NDUFA10: variants seen among roughly 807,000 people sequenced by gnomAD.
NDUFA10 encodes the protein NADH:ubiquinone oxidoreductase subunit A10, also known as NADH dehydrogenase [ubiquinone] 1 alpha subcomplex subunit 10, mitochondrial.
Under a neutral mutation model 47.8 loss-of-function variants are expected in NDUFA10, and 40 were observed. The ratio of observed to expected loss-of-function variants is 0.84; its 90% CI spans 0.65 to 1.09. The LOEUF is 1.09. NDUFA10 is among the 50% of genes least tolerant of loss of function. The pLI is 0.00. For synonymous variants in NDUFA10, 183 were observed against 172.2 expected, an observed-to-expected ratio of 1.06 and a Z score of -0.49; for missense variants, 413 against 451.1, an observed-to-expected ratio of 0.92 and a Z score of 0.76.
chr2:239,986,934 C>T (rs528553692), intron 9 of NDUFA10, among the ~76,000 whole-genome samples: 7 of 139,480 alleles, frequency 5.0e-5, no homozygotes, highest in African/African-American at 1.7e-4. Context: ...TGCCAAATAT[C>T]CCTCAAAACC....
chr2:239,961,376 G>C (rs970289331), intron 9 of NDUFA10, among the ~76,000 whole-genome samples, 190 bp from the exon 10 acceptor site: 1 of 152,230 alleles, frequency 6.6e-6, no homozygotes, highest in East Asian at 1.9e-4. Context: ...CCACAACCCA[G>C]CCCTGCCTGC....
In NDUFA10 at chr2:239,960,031, G is replaced by A; in HGVS notation, c.*1087C>T. 1.0e-6 allele frequency: 1 copy of A among 984,930 alleles called. No individual in the cohort carries two copies. Among genetic ancestry groups the A allele is most frequent in the Non-Finnish European group, 1.2e-6 (1 of 829,474 alleles). 61.0% of individuals were successfully genotyped at this position (984,930 alleles called of 1,614,324 possible). A position where few individuals can be genotyped will look rare whatever the true frequency, so the allele number is the denominator to read the frequency against. ...CCTGAACTATGGCCAGTGCAACCAA[G>A]GAACCCAATTTTAAACTCTATTACA... On this transcript the variant is annotated 3_prime_UTR_variant, in exon 10 of 10. Transcript: ENST00000252711.
At chr2:240,023,813 C>A (rs978433688) in intron 1 of NDUFA10, among the ~76,000 whole-genome samples, 6 of 152,166 alleles carry the variant, frequency 3.9e-5, no homozygotes, top group Non-Finnish European at 5.9e-5. Context: ...GCAGACAACC[C>A]AATTTAAAAA....
intron 9 of NDUFA10, chr2:239,976,438 T>G (rs1229258120): frequency 1.3e-5 from 2 of 152,166 alleles, no homozygotes; most frequent in African/African-American, 4.8e-5. Flanking sequence ...CCCCCAAGAC[T>G]CTACTTGGCA....
intron 4 of NDUFA10, among the ~76,000 whole-genome samples, chr2:239,946,369 T>C (rs143764594): frequency 3.8e-4 from 58 of 152,292 alleles, no homozygotes; most frequent in East Asian, 2.3e-3. Flanking sequence ...GGGGAAGACG[T>C]TGTCCCTTGC....
chr2:239,983,416 C>T, intron 9 of NDUFA10: 7 of 1,456,400 alleles, frequency 4.8e-6, no homozygotes, highest in Non-Finnish European at 6.4e-6. Context: ...CAGAAATGGT[C>T]ATTATTATTT....
At chr2:239,933,916 G>C (rs1464156304) in intron 4 of NDUFA10, among the ~76,000 whole-genome samples, 2 of 152,186 alleles carry the variant, frequency 1.3e-5, no homozygotes, top group Admixed American at 1.3e-4. Context: ...GGAGTGGAGT[G>C]ACACGATCAC....
chr2:239,899,068 G>A (rs150009051), intron 4 of NDUFA10, among the ~76,000 whole-genome samples: 3,253 of 16,874 alleles, frequency 0.19, 1,161 homozygotes, highest in African/African-American at 0.25. Flanking sequence ...GTGATGGAGG[G>A]GTGTGATGGA....
At chr2:239,983,777 C>T in intron 9 of NDUFA10, 3 of 1,523,842 alleles carry the variant, frequency 2.0e-6, no homozygotes, top group Non-Finnish European at 2.7e-6. Context: ...CTCACCAGCA[C>T]TCCTTATTAA....
At chr2:240,024,451 T>C (rs912536525) in intron 1 of NDUFA10, among the ~76,000 whole-genome samples, 18 of 151,996 alleles carry the variant, frequency 1.2e-4, no homozygotes, top group African/African-American at 3.9e-4. Flanking sequence ...TTGTCAGGGG[T>C]TGGAGAAAAA....
Position 239,979,068 on chromosome 2 carries a change from C to T in NDUFA10, c.999+11006G>A, listed in dbSNP as rs146120656. On this transcript the variant is annotated intron_variant, in intron 9 of 9. Transcript: ENST00000252711. ...CAGGGTGGGCGAGCCTCCCCAGCGT[C>T]ACACCACTCCCTGAGAAGTGTGCTC... 3.0e-3 allele frequency among the ~76,000 whole-genome samples: 451 copies of T among 152,286 alleles called. 3 individuals are homozygous for T. Among genetic ancestry groups the T allele is most frequent in the African/African-American group, 0.01 (432 of 41,548 alleles).
In NDUFA10 at chr2:239,906,290, T is replaced by C. The variant is rs186554004; in HGVS notation, c.295-10976A>G. ...CTACTGTTCAAGCTCTTAGCAAAAC[T>C]GCGGCTTCAGTTGTGCCTTGCTGAC... is the stretch of plus-strand genomic sequence containing the variant. On this transcript the variant is annotated intron_variant, in intron 4 of 5. Transcript: ENST00000419408. The surrounding 1 kb of genome is among the most constrained non-coding windows in gnomAD (Gnocchi z 4.3). Among the ~76,000 whole-genome samples, 25 of 152,302 alleles carry C rather than the reference T, an allele frequency of 1.6e-4. No homozygotes were observed. Among genetic ancestry groups the C allele is most frequent in the African/African-American group, 6.0e-4 (25 of 41,564 alleles).
intron 4 of NDUFA10, among the ~76,000 whole-genome samples, chr2:239,899,439 G>GTGGAGGGTTGTGA (rs1422674349): frequency 9.8e-6 from 1 of 102,324 alleles, no homozygotes; most frequent in African/African-American, 3.3e-5. Flanking sequence ...ATGGAGGAAT[G>GTGGAGGGTTGTGA]TGGAGGGTTG....
chr2:239,901,653 G>T (rs1267840856), intron 4 of NDUFA10, among the ~76,000 whole-genome samples: 4 of 151,850 alleles, frequency 2.6e-5, no homozygotes, highest in African/African-American at 9.7e-5. Context: ...AACACATTTT[G>T]TAAGGCTATA....
At chr2:239,921,589 C>T (rs1055692289) in intron 4 of NDUFA10, among the ~76,000 whole-genome samples, 2 of 151,422 alleles carry the variant, frequency 1.3e-5, no homozygotes, top group African/African-American at 2.4e-5. Flanking sequence ...AAACCTCTTG[C>T]TAGCTACAGG....
At chr2:240,014,462 C>A in intron 5 of NDUFA10, 1 of 473,088 alleles carries the variant, frequency 2.1e-6, no homozygotes. Context: ...GAGGCCCTCA[C>A]CAGCCTCCCA....
At chr2:239,952,033 G>C (rs1196276769) in intron 4 of NDUFA10, among the ~76,000 whole-genome samples, 1 of 151,770 alleles carries the variant, frequency 6.6e-6, no homozygotes, top group African/African-American at 2.4e-5. Context: ...AGGGGCCAAA[G>C]GCTGCTGCCT....
chr2:240,003,724 T>C (rs1463395601), intron 8 of NDUFA10, among the ~76,000 whole-genome samples: 1 of 152,162 alleles, frequency 6.6e-6, no homozygotes, highest in Admixed American at 6.6e-5. Context: ...ATCTCCTGAG[T>C]GCACGCTGGA....
At chr2:239,907,002 C>T (rs967957337) in intron 4 of NDUFA10, among the ~76,000 whole-genome samples, 35 of 152,208 alleles carry the variant, frequency 2.3e-4, no homozygotes, top group African/African-American at 8.4e-4. Flanking sequence ...TACCTGACTT[C>T]AAACTATACT....
Sources: allele counts gnomAD v4.1 joint callset (sites outside exome capture counted in the v4.1 genomes callset), GRCh38; gene constraint gnomAD v4.1.1; non-coding constraint Gnocchi (gnomAD v3.1); transcripts MANE v1.5; gene names NCBI Gene and HGNC (gene_info 2026-07-23, HGNC 2026-07-21).